PDZRN4: variants seen among roughly 807,000 people sequenced by gnomAD.
PDZRN4 encodes PDZ domain containing ring finger 4.
A neutral mutation model predicts 99.0 loss-of-function variants in PDZRN4; 70 were observed. The ratio of observed to expected loss-of-function variants is 0.71; its 90% CI spans 0.58 to 0.86. The LOEUF (loss-of-function observed/expected upper bound fraction) is 0.86, where lower values mean the gene tolerates loss of function less well. Ranked by LOEUF, PDZRN4 falls within the 40% of genes least tolerant of loss-of-function variation. PDZRN4 has a pLI of 0.00. For missense variants in PDZRN4, 1,474 were observed against 1,331.2 expected (o/e 1.11, Z -1.67); for synonymous variants, 551 against 501.6 (o/e 1.10, Z -1.32).
chr12:41,370,809 T>C, intron 3 of PDZRN4, among the ~76,000 whole-genome samples: 1 of 151,996 alleles, frequency 6.6e-6, no homozygotes, highest in South Asian at 2.1e-4. Context: ...CATTCCTCAC[T>C]TTAGCTATTT....
At chr12:41,295,528 C>G (rs755569968) in intron 3 of PDZRN4, among the ~76,000 whole-genome samples, 20 of 152,020 alleles carry the variant, frequency 1.3e-4, no homozygotes, top group Admixed American at 2.0e-4. Context: ...ATATCACCCC[C>G]TCACCAAAAT....
chr12:41,274,602 C>G (rs1373650205), intron 3 of PDZRN4, among the ~76,000 whole-genome samples: 1 of 152,158 alleles, frequency 6.6e-6, no homozygotes, highest in Non-Finnish European at 1.5e-5. Context: ...TTGACATTAT[C>G]TCTACCTCTT....
At chr12:41,404,577 A>G (rs976748510) in intron 3 of PDZRN4, among the ~76,000 whole-genome samples, 2 of 152,160 alleles carry the variant, frequency 1.3e-5, no homozygotes, top group African/African-American at 4.8e-5. Context: ...AAATGGCCAT[A>G]CTGCCCAGAG....
At chr12:41,348,785 A>G (rs1195772600) in intron 3 of PDZRN4, among the ~76,000 whole-genome samples, 1 of 152,006 alleles carries the variant, frequency 6.6e-6, no homozygotes, top group African/African-American at 2.4e-5. Context: ...CAGACAAGCC[A>G]TGGATATTGA....
At chr12:41,263,322 G>C (rs1221354295) in intron 3 of PDZRN4, among the ~76,000 whole-genome samples, 3 of 152,156 alleles carry the variant, frequency 2.0e-5, no homozygotes, top group African/African-American at 7.2e-5. Flanking sequence ...GGTGGCCGAG[G>C]TGGGCGGATT....
intron 3 of PDZRN4, among the ~76,000 whole-genome samples, chr12:41,223,019 G>T (rs1242624533): frequency 6.6e-6 from 1 of 152,056 alleles, no homozygotes; most frequent in Non-Finnish European, 1.5e-5. Flanking sequence ...TTTATTATTA[G>T]CTTGGTGCAA....
chr12:41,319,728 G>A (rs1565550717), intron 3 of PDZRN4, among the ~76,000 whole-genome samples: 1 of 152,094 alleles, frequency 6.6e-6, no homozygotes, highest in Non-Finnish European at 1.5e-5. Flanking sequence ...ATGTAACTGA[G>A]GTTGAAAGTC....
chr12:41,299,533 C>A (rs1451495843), intron 3 of PDZRN4, among the ~76,000 whole-genome samples: 1 of 151,948 alleles, frequency 6.6e-6, no homozygotes, highest in Non-Finnish European at 1.5e-5. Flanking sequence ...TTTTTTTAGG[C>A]TTAGATGACA....
At chr12:41,274,509 A>C (rs1348460577) in intron 3 of PDZRN4, among the ~76,000 whole-genome samples, 1 of 152,156 alleles carries the variant, frequency 6.6e-6, no homozygotes, top group African/African-American at 2.4e-5. Context: ...GAATTAGAAA[A>C]TATTTTGGAA....
At chr12:41,519,632 C>CA (rs1938459807) in intron 5 of PDZRN4, among the ~76,000 whole-genome samples, 1 of 151,980 alleles carries the variant, frequency 6.6e-6, no homozygotes, top group Non-Finnish European at 1.5e-5. Flanking sequence ...CAATGCTCTT[C>CA]AATGCCTTTT....
At chr12:41,497,814 A>G (rs946132945) in intron 3 of PDZRN4, among the ~76,000 whole-genome samples, 17 of 152,256 alleles carry the variant, frequency 1.1e-4, no homozygotes, top group African/African-American at 3.8e-4. Context: ...AGAGAAAAAA[A>G]GACATTCATA....
intron 3 of PDZRN4, among the ~76,000 whole-genome samples, chr12:41,285,400 G>C (rs952363659): frequency 6.6e-6 from 1 of 152,174 alleles, no homozygotes; most frequent in Non-Finnish European, 1.5e-5. Flanking sequence ...CTTTTACACT[G>C]TTGACGAGAG....
intron 3 of PDZRN4, among the ~76,000 whole-genome samples, chr12:41,478,941 A>G (rs11180943): frequency 0.15 from 23,228 of 152,212 alleles, 2,194 homozygotes; most frequent in Non-Finnish European, 0.21. Flanking sequence ...TCAAAATTCT[A>G]AGGGAAAATA....
chr12:41,469,588 T>C (rs1265996002), intron 3 of PDZRN4, among the ~76,000 whole-genome samples: 1 of 152,208 alleles, frequency 6.6e-6, no homozygotes, highest in African/African-American at 2.4e-5. Context: ...TGTTTCTTGC[T>C]AGCATTAGTG....
chr12:41,501,328 G>C (rs1938105526), intron 3 of PDZRN4, among the ~76,000 whole-genome samples: 1 of 152,058 alleles, frequency 6.6e-6, no homozygotes, highest in African/African-American at 2.4e-5. Context: ...ATCAAAAAAG[G>C]CTGTTTGTTT....
At chr12:41,533,531 C>G (rs758278801) in intron 5 of PDZRN4, among the ~76,000 whole-genome samples, 3 of 152,110 alleles carry the variant, frequency 2.0e-5, no homozygotes, top group Non-Finnish European at 4.4e-5. Flanking sequence ...TGCTGTTTGT[C>G]CAAAAGTATT....
intron 3 of PDZRN4, among the ~76,000 whole-genome samples, chr12:41,417,875 C>T (rs894523652): frequency 1.3e-5 from 2 of 152,068 alleles, no homozygotes; most frequent in Admixed American, 1.3e-4. Context: ...AAGATTTCAC[C>T]ACACTTTCAT....
chr12:41,309,763 T>C (rs1951594594), intron 3 of PDZRN4, among the ~76,000 whole-genome samples: 1 of 151,996 alleles, frequency 6.6e-6, no homozygotes, highest in Admixed American at 6.6e-5. Context: ...TAATACTGAA[T>C]AACGGTAAAA....
intron 3 of PDZRN4, among the ~76,000 whole-genome samples, chr12:41,354,142 G>T (rs190638386): frequency 1.3e-5 from 2 of 152,076 alleles, no homozygotes; most frequent in African/African-American, 4.8e-5. Flanking sequence ...ATAATTAGGC[G>T]ATAGCAATAT....
Sources: allele counts gnomAD v4.1 joint callset (sites outside exome capture counted in the v4.1 genomes callset), GRCh38; gene constraint gnomAD v4.1.1; transcripts MANE v1.5; gene names NCBI Gene and HGNC (gene_info 2026-07-23, HGNC 2026-07-21).